The following ZNRF3 variants were observed in gnomAD, a reference collection of about 807,000 sequenced individuals.
The protein encoded by ZNRF3 is E3 ubiquitin-protein ligase ZNRF3.
ZNRF3 carries 23 observed loss-of-function variants against 72.5 expected under a neutral mutation model. The observed-to-expected ratio is 0.32, with a 90% confidence interval of 0.23 to 0.45. The LOEUF (loss-of-function observed/expected upper bound fraction) is 0.45. ZNRF3 is among the 20% of genes least tolerant of loss of function. The pLI is 1.00. For missense variants in ZNRF3, 1,169 were observed against 1,272.1 expected, an observed-to-expected ratio of 0.92 and a Z score of 1.23; for synonymous variants, 610 against 545.3, an observed-to-expected ratio of 1.12 and a Z score of -1.65.
rs1214969288 is a variant in ZNRF3, at chr22:29,048,525, G to T, written c.1015+34G>T. 1.8e-5 allele frequency: 28 copies of T among 1,599,738 alleles called. No homozygotes were observed. Among genetic ancestry groups the T allele is most frequent in the Non-Finnish European group, 2.3e-5 (27 of 1,167,104 alleles). On this transcript the variant is annotated intron_variant, in intron 7 of 8. Transcript: ENST00000544604. The surrounding 1 kb of genome is among the most constrained non-coding windows in gnomAD (Gnocchi z 4.9). Reference sequence around the variant, plus strand: ...CACCCGCCTTAGCCATTGCTGAAGAGTCAAGTGCCTAGCTAGAGTGTGACA... The same window carrying T: ...CACCCGCCTTAGCCATTGCTGAAGATTCAAGTGCCTAGCTAGAGTGTGACA...
intron 1 of ZNRF3, among the ~76,000 whole-genome samples, chr22:28,918,544 G>A (rs202227638): frequency 0.63 from 72,174 of 115,076 alleles, 18,943 homozygotes; most frequent in Middle Eastern, 0.68. Context: ...GTGCGTGTGT[G>A]TGTGTGTGTG....
At chr22:28,889,396 A>G (rs1413799583) in intron 1 of ZNRF3, among the ~76,000 whole-genome samples, 3 of 152,176 alleles carry the variant, frequency 2.0e-5, no homozygotes, top group Non-Finnish European at 4.4e-5. Context: ...ACTCTAATCT[A>G]GTAGAGCATT....
chr22:29,036,619 G>A (rs1418254098), intron 2 of ZNRF3, among the ~76,000 whole-genome samples: 4 of 151,950 alleles, frequency 2.6e-5, no homozygotes, highest in Non-Finnish European at 1.5e-5. Flanking sequence ...GAATTGGGTG[G>A]GTATATAAGA....
At chr22:28,891,494 T>C (rs903316804) in intron 1 of ZNRF3, among the ~76,000 whole-genome samples, 4 of 152,282 alleles carry the variant, frequency 2.6e-5, no homozygotes, top group African/African-American at 9.6e-5. Flanking sequence ...GATCAAGTGC[T>C]TATTGTGTGC....
chr22:29,042,590 C>G lies in ZNRF3; in HGVS notation c.501+21C>G, dbSNP rs557467584. The stretch of plus-strand genomic sequence containing the variant: ...ATCAGGTAAGCTCCTCAGGCCATGC[C>G]AACACTGCAGCCTCCCTGAGAAAGG... On this transcript the variant is annotated intron_variant, in intron 3 of 8. Transcript: ENST00000544604. The G allele has an allele frequency of 3.9e-4, 625 of 1,610,296 alleles. 7 individuals are homozygous for G. The South Asian group carries it at 5.9e-3, about 15-fold the overall frequency.
At chr22:29,005,629 C>CAAGG (rs1019819390) in intron 2 of ZNRF3, among the ~76,000 whole-genome samples, 1 of 152,170 alleles carries the variant, frequency 6.6e-6, no homozygotes, top group African/African-American at 2.4e-5. Flanking sequence ...CTTCCAGGGC[C>CAAGG]AAGGATGCCT....
At chr22:29,017,064 T>C (rs1227900493) in intron 2 of ZNRF3, among the ~76,000 whole-genome samples, 1 of 152,228 alleles carries the variant, frequency 6.6e-6, no homozygotes, top group Non-Finnish European at 1.5e-5. Flanking sequence ...TATTTCCATT[T>C]CCAAAGGTGA....
chr22:28,962,100 TG>T (rs2035372365), intron 1 of ZNRF3, among the ~76,000 whole-genome samples: 1 of 152,218 alleles, frequency 6.6e-6, no homozygotes, highest in Admixed American at 6.5e-5. Context: ...CAGCCTAATG[TG>T]GCTATTTAAA....
chr22:29,057,275 C>G lies in ZNRF3; in HGVS notation c.*3653C>G, dbSNP rs1030973913. The G allele has an allele frequency of 3.9e-5, 6 of 152,132 alleles. No homozygotes were observed. Among genetic ancestry groups the G allele is most frequent in the Admixed American group, 2.6e-4 (4 of 15,262 alleles). 9.4% of individuals were successfully genotyped at this position (152,132 alleles called of 1,614,324 possible). A position where few individuals can be genotyped will look rare whatever the true frequency, so the allele number is the denominator to read the frequency against. ...AATATTTATTTACTAATATATTTAT[C>G]TTAAGCCATGTCTTATGTTGAGAGT... On this transcript the variant is annotated 3_prime_UTR_variant, in exon 9 of 9. Transcript: ENST00000544604.
intron 1 of ZNRF3, among the ~76,000 whole-genome samples, chr22:28,984,638 G>A (rs2035821880): frequency 6.6e-6 from 1 of 152,190 alleles, no homozygotes; most frequent in African/African-American, 2.4e-5. Context: ...GGGACTTCAG[G>A]AAGCTGGCTG....
chr22:28,937,197 ATATATATATATATATATATTTTT>A (rs2034842889), intron 1 of ZNRF3, among the ~76,000 whole-genome samples: 1 of 47,028 alleles, frequency 2.1e-5, no homozygotes, highest in African/African-American at 1.7e-4. Context: ...ATATATATAT[ATATATATATATATATATATTTTT>A]TTTTTTTTTT....
intron 1 of ZNRF3, among the ~76,000 whole-genome samples, chr22:28,940,796 T>A (rs2034931589): frequency 6.6e-6 from 1 of 152,192 alleles, no homozygotes; most frequent in Non-Finnish European, 1.5e-5. Flanking sequence ...AGGGATTTAC[T>A]CTCCTCCGTA....
In ZNRF3 at chr22:29,050,527, T is replaced by C; in HGVS notation, c.2346T>C (p.Tyr782=). ...VKYEGLPCCF[Y]EEKQVARGGG... ...ACGAGGGTCTGCCCTGCTGCTTCTA[T>C]GAAGAGAAGCAGGTGGCCCGCGGGG... Residue 782 remains tyrosine (Y), a synonymous_variant, in exon 8 of 9, where the codon TAT becomes TAC. Coordinates refer to ENST00000544604, the MANE Select transcript of ZNRF3 (RefSeq NM_001206998.2). 1.2e-6 allele frequency: 2 copies of C among 1,612,054 alleles called. No homozygotes were observed. The highest frequency in any genetic ancestry group is 2.2e-5 in the South Asian group (2 of 90,952).
At position 28,918,552 on chromosome 22, in the gene ZNRF3, G is replaced by A. The variant is rs958663220; in HGVS notation, c.300+34486G>A. 4.7e-3 allele frequency among the ~76,000 whole-genome samples: 504 copies of A among 107,692 alleles called. 7 individuals are homozygous for A. Among genetic ancestry groups the A allele is most frequent in the South Asian group, 0.032 (85 of 2,676 alleles). The allele number at this position is 107,692 out of a possible 152,430, so 70.7% of individuals were successfully genotyped here. ...TGCATGTGTGCGTGTGTGTGTGTGT[G>A]TGTGTGTGTGTGTGTGTGTGTGTGT... On this transcript the variant is annotated intron_variant, in intron 1 of 8. Transcript: ENST00000544604.
At chr22:28,901,114 A>AAAAT (rs926821444) in intron 1 of ZNRF3, among the ~76,000 whole-genome samples, 26 of 152,232 alleles carry the variant, frequency 1.7e-4, no homozygotes, top group East Asian at 3.9e-4. Context: ...TGTCTCTACA[A>AAAAT]AAATAAATAA....
At chr22:28,983,616 A>G (rs1221691300) in intron 1 of ZNRF3, among the ~76,000 whole-genome samples, 1 of 152,100 alleles carries the variant, frequency 6.6e-6, no homozygotes, top group South Asian at 2.1e-4. Context: ...TCTTTCTACC[A>G]TGGCCTTAAG....
At chr22:28,940,584 A>G (rs748927943) in intron 1 of ZNRF3, among the ~76,000 whole-genome samples, 3 of 149,586 alleles carry the variant, frequency 2.0e-5, no homozygotes, top group Non-Finnish European at 3.0e-5. Context: ...TTCTTCTTCC[A>G]TTCACACTTA....
intron 1 of ZNRF3, among the ~76,000 whole-genome samples, chr22:28,977,994 G>A (rs1569268386): frequency 6.6e-6 from 1 of 152,120 alleles, no homozygotes; most frequent in Non-Finnish European, 1.5e-5. Flanking sequence ...TTTTGGCTTC[G>A]AAGTTCCCCT....
At chr22:28,989,519 C>G (rs1293030879) in intron 2 of ZNRF3, among the ~76,000 whole-genome samples, 1 of 152,210 alleles carries the variant, frequency 6.6e-6, no homozygotes, top group East Asian at 1.9e-4. Context: ...AAGTTATCCC[C>G]TTGGGCAGCT....
Sources: allele counts gnomAD v4.1 joint callset (sites outside exome capture counted in the v4.1 genomes callset), GRCh38; gene constraint gnomAD v4.1.1; non-coding constraint Gnocchi (gnomAD v3.1); transcripts MANE v1.5; gene names NCBI Gene and HGNC (gene_info 2026-07-23, HGNC 2026-07-21).